Variants in CADM1 observed in about 807,000 individuals in gnomAD.
CADM1 encodes the protein TSLC-1.
In CADM1, 15 loss-of-function variants were observed where a neutral mutation model predicts 53.1. The observed-to-expected ratio is 0.28, with a 90% CI of 0.19 to 0.44. The LOEUF (loss-of-function observed/expected upper bound fraction) is 0.44, where lower values mean the gene tolerates loss of function less well. Among genes scored for constraint, CADM1 ranks in the 20% least tolerant of loss-of-function variants. The pLI, the probability that CADM1 is intolerant of heterozygous loss-of-function variation, is 1.00. For missense variants in CADM1, 434 were observed against 611.3 expected (o/e 0.71, Z 3.06); for synonymous variants, 281 against 243.0 (o/e 1.16, Z -1.45).
chr11:115,404,242 C>T (rs1201575951), intron 1 of CADM1, among the ~76,000 whole-genome samples: 11 of 146,746 alleles, frequency 7.5e-5, no homozygotes, highest in East Asian at 6.2e-4. Context: ...AGGAGAATTG[C>T]TTGAACCCAG....
chr11:115,334,553 G>A (rs1279347912), intron 1 of CADM1, among the ~76,000 whole-genome samples: 1 of 151,984 alleles, frequency 6.6e-6, no homozygotes, highest in South Asian at 2.1e-4. Flanking sequence ...TTTTATTGTT[G>A]TTGTTAATCT....
chr11:115,294,503 C>G (rs1565348455), intron 1 of CADM1, among the ~76,000 whole-genome samples: 1 of 152,184 alleles, frequency 6.6e-6, no homozygotes, highest in Non-Finnish European at 1.5e-5. Flanking sequence ...TCAGCACTCT[C>G]CCTTTAACTT....
intron 1 of CADM1, among the ~76,000 whole-genome samples, chr11:115,498,703 C>T (rs1949673017): frequency 6.6e-6 from 1 of 152,230 alleles, no homozygotes; most frequent in African/African-American, 2.4e-5. Flanking sequence ...TCACCAACTG[C>T]AACAAGCCTT....
Position 115,173,330 on chromosome 11 carries a change from C to G in CADM1, c.*3144G>C, listed in dbSNP as rs1261022739. 1 of 152,332 alleles carries G rather than the reference C, an allele frequency of 6.6e-6. No individual in the cohort carries two copies. Among genetic ancestry groups the G allele is most frequent in the Admixed American group, 6.5e-5 (1 of 15,290 alleles). 9.4% of individuals were successfully genotyped at this position (152,332 alleles called of 1,614,324 possible). On this transcript the variant is annotated 3_prime_UTR_variant, in exon 12 of 12. Coordinates refer to ENST00000331581, the MANE Select transcript of CADM1 (RefSeq NM_001301043.2). Reference sequence around the variant, plus strand: ...GCGGCCTGTTCCGGCGGGCCCGCCACGACAGCTCGCACACCTGCACAAATC... The same window carrying G: ...GCGGCCTGTTCCGGCGGGCCCGCCAGGACAGCTCGCACACCTGCACAAATC...
intron 1 of CADM1, among the ~76,000 whole-genome samples, chr11:115,411,686 G>C (rs891516897): frequency 2.0e-5 from 3 of 151,874 alleles, no homozygotes; most frequent in African/African-American, 7.3e-5. Context: ...ATTTTTTTGA[G>C]ATGGAGTTTC....
intron 9 of CADM1, among the ~76,000 whole-genome samples, chr11:115,197,463 G>GCA (rs59648000): frequency 1 from 151,904 of 152,316 alleles, 75,748 homozygotes; most frequent in Non-Finnish European, 1. Context: ...TCTTTTCTAA[G>GCA]CAGTCTTGTC....
chr11:115,241,470 G>C (rs1272994264), intron 1 of CADM1, among the ~76,000 whole-genome samples: 1 of 152,082 alleles, frequency 6.6e-6, no homozygotes, highest in Non-Finnish European at 1.5e-5. Flanking sequence ...TTGGGAAGGG[G>C]AGAGAGAGAG....
At chr11:115,253,148 T>C (rs1253131048) in intron 1 of CADM1, among the ~76,000 whole-genome samples, 1 of 152,182 alleles carries the variant, frequency 6.6e-6, no homozygotes, top group Non-Finnish European at 1.5e-5. Context: ...TACAAATTTG[T>C]GTTAGGCTAC....
chr11:115,415,373 TTGTTGCACC>T (rs1457078899), intron 1 of CADM1, among the ~76,000 whole-genome samples: 1 of 152,206 alleles, frequency 6.6e-6, no homozygotes, highest in Admixed American at 6.5e-5. Flanking sequence ...TACTGATTAT[TTGTTGCACC>T]TGTTAGATCC....
intron 6 of CADM1, among the ~76,000 whole-genome samples, chr11:115,217,333 T>G (rs1025190060): frequency 1.3e-5 from 2 of 152,210 alleles, no homozygotes; most frequent in African/African-American, 2.4e-5. Flanking sequence ...TTTTCTCTTA[T>G]GAAGTGGCAT....
chr11:115,362,000 A>G (rs1039081002), intron 1 of CADM1, among the ~76,000 whole-genome samples: 1 of 152,152 alleles, frequency 6.6e-6, no homozygotes, highest in African/African-American at 2.4e-5. Flanking sequence ...TCGGCCTCTC[A>G]AAGTGCTGGG....
chr11:115,206,855 G>A (rs1465225025), intron 8 of CADM1, among the ~76,000 whole-genome samples: 1 of 138,116 alleles, frequency 7.2e-6, no homozygotes, highest in East Asian at 2.4e-4. Context: ...AATGGTGGCT[G>A]TAATGTACCA....
At chr11:115,291,398 T>C (rs900181375) in intron 1 of CADM1, among the ~76,000 whole-genome samples, 1 of 152,182 alleles carries the variant, frequency 6.6e-6, no homozygotes, top group Admixed American at 6.5e-5. Flanking sequence ...AAATTCTGCA[T>C]TGGGTTACTA....
chr11:115,238,672 G>C lies in CADM1; in HGVS notation c.272-20C>G. ...TCAAAGCTGTGAAACAAAACAGAGAGTTAGTGATTGTGAGAAGGTGGACGG... is the reference window on the plus strand; with the variant it reads ...TCAAAGCTGTGAAACAAAACAGAGACTTAGTGATTGTGAGAAGGTGGACGG... On this transcript the variant is annotated intron_variant, in intron 2 of 11. Transcript: ENST00000331581. 1 of 1,613,054 alleles carries C rather than the reference G, an allele frequency of 6.2e-7. No homozygotes were observed. Among genetic ancestry groups the C allele is most frequent in the East Asian group, 2.2e-5 (1 of 44,820 alleles).
At chr11:115,281,120 T>C (rs1052881440) in intron 1 of CADM1, among the ~76,000 whole-genome samples, 1 of 152,208 alleles carries the variant, frequency 6.6e-6, no homozygotes, top group Non-Finnish European at 1.5e-5. Context: ...TTTCTTTCAT[T>C]ATGGAAAAGG....
At chr11:115,437,217 A>G (rs1948203544) in intron 1 of CADM1, among the ~76,000 whole-genome samples, 3 of 152,208 alleles carry the variant, frequency 2.0e-5, no homozygotes, top group Non-Finnish European at 4.4e-5. Flanking sequence ...CCTGCCCCAG[A>G]GGTGGAATAA....
rs1333320248 is a variant in CADM1, at chr11:115,238,637, C to T, written c.287G>A (p.Arg96Lys). The T allele has an allele frequency of 6.2e-7, 1 of 1,613,844 alleles. No individual in the cohort carries two copies. Among genetic ancestry groups the T allele is most frequent in the Admixed American group, 1.7e-5 (1 of 60,002 alleles). The change falls in exon 3 of 12, where the codon AGG becomes AAG. Residue 96 changes from arginine (R) to lysine (K), a missense_variant. Arg to Lys is a conservative substitution (Grantham distance 26, BLOSUM62 2). Transcript: ENST00000331581. ...FRDFRPLKDS[R>K]FQLLNFSSSE... is the part of the protein sequence containing the mutation. ...GCTAGAAAAATTCAGCAACTGAAAC[C>T]TGCTGTCCTTCAAAGCTGTGAAACA...
chr11:115,193,435 GC>G (rs1362743208), intron 9 of CADM1, among the ~76,000 whole-genome samples: 1 of 152,194 alleles, frequency 6.6e-6, no homozygotes, highest in African/African-American at 2.4e-5. Context: ...ATGCATGATA[GC>G]CATCTCTTCT....
At chr11:115,249,525 A>C (rs1284613515) in intron 1 of CADM1, among the ~76,000 whole-genome samples, 4 of 152,376 alleles carry the variant, frequency 2.6e-5, no homozygotes, top group South Asian at 4.1e-4. Flanking sequence ...TACATTTCCC[A>C]AAACACAAGC....
Sources: allele counts gnomAD v4.1 joint callset (sites outside exome capture counted in the v4.1 genomes callset), GRCh38; gene constraint gnomAD v4.1.1; transcripts MANE v1.5; gene names NCBI Gene and HGNC (gene_info 2026-07-23, HGNC 2026-07-21).